The following SHTN1 variants were observed in gnomAD, a reference collection of about 807,000 sequenced individuals.
The protein encoded by SHTN1 is shootin-1.
SHTN1 carries 42 observed loss-of-function variants against 83.1 expected under a neutral mutation model. That is an observed-to-expected ratio of 0.51 (90% confidence interval 0.39 to 0.65). The LOEUF is 0.65. Ranked by LOEUF, SHTN1 falls within the 30% of genes least tolerant of loss-of-function variation. The pLI, the probability that SHTN1 is intolerant of heterozygous loss-of-function variation, is 0.00. For missense variants in SHTN1, 622 were observed against 737.8 expected, an observed-to-expected ratio of 0.84 and a Z score of 1.82; for synonymous variants, 224 against 247.7, an observed-to-expected ratio of 0.90 and a Z score of 0.90.
rs138745488 is a variant in SHTN1 at position 117,111,095 on chromosome 10, G to A, written c.-189+15212C>T. ...CGCCTGTAGTCCCAGCTACTCGGGAGGCTGAGGCAGAAGAATCGCTTGAAC... is the reference window on the plus strand; with the variant it reads ...CGCCTGTAGTCCCAGCTACTCGGGAAGCTGAGGCAGAAGAATCGCTTGAAC... On this transcript the variant is annotated intron_variant, in intron 1 of 17. Coordinates refer to the SHTN1 transcript ENST00000392901. Among the ~76,000 whole-genome samples, 79 of 151,980 alleles carry A rather than the reference G, an allele frequency of 5.2e-4. 1 individual carries two copies. The highest frequency in any genetic ancestry group is 1.8e-3 in the African/African-American group (74 of 41,516).
chr10:116,947,522 G>A (rs1455253720), intron 7 of SHTN1, among the ~76,000 whole-genome samples: 1 of 152,148 alleles, frequency 6.6e-6, no homozygotes, highest in Non-Finnish European at 1.5e-5. Flanking sequence ...ATTTTTTGGT[G>A]TGAATTATAG....
intron 3 of SHTN1, among the ~76,000 whole-genome samples, chr10:116,963,095 G>A (rs967217118): frequency 1.7e-4 from 14 of 83,640 alleles, no homozygotes; most frequent in East Asian, 3.9e-4. Context: ...TTTTTGAGAC[G>A]GAGTCTCGCT....
intron 1 of SHTN1, among the ~76,000 whole-genome samples, chr10:117,107,471 T>C (rs927492608): frequency 6.6e-6 from 1 of 151,884 alleles, no homozygotes; most frequent in Non-Finnish European, 1.5e-5. Context: ...ACAACACATA[T>C]CTACCCTCGC....
chr10:117,084,807 C>T (rs950331527), intron 1 of SHTN1, among the ~76,000 whole-genome samples: 1 of 152,174 alleles, frequency 6.6e-6, no homozygotes, highest in Non-Finnish European at 1.5e-5. Context: ...TTCCAGGTGC[C>T]GTCCGTCACC....
intron 2 of SHTN1, among the ~76,000 whole-genome samples, chr10:117,044,477 A>G (rs1852632269): frequency 6.6e-6 from 1 of 152,226 alleles, no homozygotes; most frequent in South Asian, 2.1e-4. Context: ...TTGTGTCTGA[A>G]TAAGATAAGC....
chr10:117,016,405 TTTTGTTTG>T (rs922332184), intron 2 of SHTN1, among the ~76,000 whole-genome samples: 11 of 152,122 alleles, frequency 7.2e-5, no homozygotes, highest in African/African-American at 2.7e-4. Context: ...AAATTATTCC[TTTTGTTTG>T]TTTGTTTGTT....
intron 13 of SHTN1, among the ~76,000 whole-genome samples, chr10:116,912,914 CAGAGA>C (rs372058466): frequency 2.1e-4 from 32 of 152,204 alleles, no homozygotes; most frequent in Non-Finnish European, 2.2e-4. Context: ...ATTTTAAAAA[CAGAGA>C]AGAGAGAGGT....
chr10:116,996,917 G>C (rs1851646635), intron 1 of SHTN1, among the ~76,000 whole-genome samples: 1 of 152,142 alleles, frequency 6.6e-6, no homozygotes, highest in Non-Finnish European at 1.5e-5. Context: ...CACATAATAT[G>C]TGAGACTTTC....
chr10:117,010,615 G>A (rs985004126), intron 2 of SHTN1, among the ~76,000 whole-genome samples: 3 of 151,974 alleles, frequency 2.0e-5, no homozygotes, highest in Non-Finnish European at 4.4e-5. Flanking sequence ...AGCCAGATAA[G>A]GATATCACAA....
intron 1 of SHTN1, among the ~76,000 whole-genome samples, chr10:117,084,735 G>A (rs999852469): frequency 1.3e-5 from 2 of 152,166 alleles, no homozygotes; most frequent in African/African-American, 4.8e-5. Flanking sequence ...ATATAATCTC[G>A]TGGTGCGCCG....
intron 3 of SHTN1, among the ~76,000 whole-genome samples, chr10:116,967,591 T>A (rs1265278448): frequency 6.6e-6 from 1 of 152,198 alleles, no homozygotes; most frequent in Non-Finnish European, 1.5e-5. Flanking sequence ...CCTCTTTATT[T>A]ACTTATTTTC....
chr10:116,962,012 A>G (rs1451755175), intron 3 of SHTN1, among the ~76,000 whole-genome samples: 1 of 151,776 alleles, frequency 6.6e-6, no homozygotes, highest in African/African-American at 2.4e-5. Flanking sequence ...TCTGGCTCCA[A>G]TTGAAAAGAA....
At chr10:117,048,127 G>A (rs1157033461) in intron 2 of SHTN1, among the ~76,000 whole-genome samples, 2 of 152,010 alleles carry the variant, frequency 1.3e-5, no homozygotes, top group East Asian at 3.9e-4. Flanking sequence ...AAACAAACCC[G>A]AATAGTAAAC....
chr10:117,076,126 T>A (rs907798743), intron 1 of SHTN1, among the ~76,000 whole-genome samples: 13 of 143,072 alleles, frequency 9.1e-5, no homozygotes, highest in Non-Finnish European at 1.5e-4. Context: ...GAGGTTGGAG[T>A]AAGCTGAGAT....
At chr10:116,943,853 C>A (rs961125126) in intron 8 of SHTN1, among the ~76,000 whole-genome samples, 4 of 152,182 alleles carry the variant, frequency 2.6e-5, no homozygotes, top group African/African-American at 9.7e-5. Flanking sequence ...TCAAACTACA[C>A]CCACAGGATG....
intron 1 of SHTN1, among the ~76,000 whole-genome samples, chr10:116,995,721 A>G (rs1403391512): frequency 2.6e-5 from 4 of 151,836 alleles, no homozygotes; most frequent in Admixed American, 6.6e-5. Context: ...GTATTTTCTG[A>G]TATGACCAGT....
intron 1 of SHTN1, among the ~76,000 whole-genome samples, chr10:117,101,436 C>T (rs1044433328): frequency 1.3e-5 from 2 of 152,138 alleles, no homozygotes; most frequent in African/African-American, 2.4e-5. Flanking sequence ...AAGAGAACAG[C>T]TGGAGAAGGA....
intron 1 of SHTN1, among the ~76,000 whole-genome samples, chr10:117,081,419 C>T (rs1474614142): frequency 2.1e-5 from 3 of 139,846 alleles, no homozygotes; most frequent in African/African-American, 5.4e-5. Context: ...TTTTGATGTG[C>T]TGCTGGATTT....
chr10:117,091,708 T>C lies in SHTN1; in HGVS notation c.-189+34599A>G, dbSNP rs75148641. Among the ~76,000 whole-genome samples the C allele has an allele frequency of 4.5e-3, 682 of 152,340 alleles. 8 individuals are homozygous for C. The highest frequency in any genetic ancestry group is 0.016 in the African/African-American group (651 of 41,578). On this transcript the variant is annotated intron_variant, in intron 1 of 17. Transcript: ENST00000392901. ...ATTTTCTCCAGTATGCATTTGCTCATGCTGGTCCTTCCACTGGGAAAATAT... is the reference window on the plus strand; with the variant it reads ...ATTTTCTCCAGTATGCATTTGCTCACGCTGGTCCTTCCACTGGGAAAATAT...
Sources: allele counts gnomAD v4.1 joint callset (sites outside exome capture counted in the v4.1 genomes callset), GRCh38; gene constraint gnomAD v4.1.1; transcripts MANE v1.5; gene names NCBI Gene and HGNC (gene_info 2026-07-23, HGNC 2026-07-21).